The following SENP2 variants were observed in gnomAD, a reference collection of about 807,000 sequenced individuals.
The protein encoded by SENP2 is sentrin-specific protease 2.
In SENP2, 16 loss-of-function variants were observed where a neutral mutation model predicts 86.3. That is an observed-to-expected ratio of 0.19 (90% CI 0.13 to 0.28). The LOEUF (loss-of-function observed/expected upper bound fraction) is 0.28. SENP2 is among the 10% of genes least tolerant of loss of function. The pLI, the probability that SENP2 is intolerant of heterozygous loss-of-function variation, is 1.00. For synonymous variants in SENP2, 222 were observed against 238.7 expected (o/e 0.93, Z 0.64); for missense variants, 552 against 703.0 (o/e 0.79, Z 2.43).
At chr3:185,605,722 G>T (rs765402145) in intron 5 of SENP2, among the ~76,000 whole-genome samples, 2 of 151,738 alleles carry the variant, frequency 1.3e-5, no homozygotes, top group Admixed American at 6.6e-5. Flanking sequence ...ATCACCCAAG[G>T]AAGGAGGGGC....
intron 6 of SENP2, among the ~76,000 whole-genome samples, chr3:185,607,372 A>G (rs1722552643): frequency 8.6e-6 from 1 of 116,224 alleles, no homozygotes; most frequent in African/African-American, 3.3e-5. Context: ...CTTGTTGCCC[A>G]GGCTAGAGTG....
chr3:185,587,085 T>G (rs752928438), intron 1 of SENP2, among the ~76,000 whole-genome samples: 15 of 152,216 alleles, frequency 9.9e-5, no homozygotes, highest in Non-Finnish European at 1.9e-4. Flanking sequence ...TCTGTACTCT[T>G]AAATTCGGTT....
intron 13 of SENP2, 81 bp downstream of exon 13, chr3:185,619,583 T>C: frequency 8.8e-7 from 1 of 1,132,886 alleles, no homozygotes; most frequent in Non-Finnish European, 1.3e-6. Flanking sequence ...TTTTCTGCCC[T>C]GTGTATAGAG....
chr3:185,605,051 G>A (rs1307329872), intron 5 of SENP2, among the ~76,000 whole-genome samples: 1 of 150,946 alleles, frequency 6.6e-6, no homozygotes, highest in Non-Finnish European at 1.5e-5. Context: ...ACCGCGCCTG[G>A]CCGAATCTGT....
chr3:185,616,017 C>A (rs1711587925), intron 11 of SENP2, among the ~76,000 whole-genome samples: 1 of 151,822 alleles, frequency 6.6e-6, no homozygotes, highest in Admixed American at 6.6e-5. Context: ...CGCGTGCCAC[C>A]ACGCCCAGCT....
chr3:185,621,364 G>T (rs1577741979), intron 13 of SENP2, among the ~76,000 whole-genome samples: 1 of 144,878 alleles, frequency 6.9e-6, no homozygotes, highest in African/African-American at 2.5e-5. Context: ...CAATATAAGT[G>T]GATATCGTTT....
chr3:185,606,824 A>T (rs1722530301), intron 6 of SENP2: 1 of 515,842 alleles, frequency 1.9e-6, no homozygotes, highest in Admixed American at 2.1e-5. Flanking sequence ...CGAGGAGCAG[A>T]AAATCGTTGT....
rs1342408308 is a variant in SENP2, at chr3:185,632,234, T to TG, written c.*2390_*2391insG. 2.6e-4 allele frequency: 16 copies of TG among 61,612 alleles called. No homozygotes were observed. The highest frequency in any genetic ancestry group is 8.6e-4 in the African/African-American group (14 of 16,298). 3.8% of individuals were successfully genotyped at this position (61,612 alleles called of 1,614,324 possible). A position where few individuals can be genotyped will look rare whatever the true frequency, so the allele number is the denominator to read the frequency against. On this transcript the variant is annotated 3_prime_UTR_variant, in exon 17 of 17. Transcript: ENST00000296257. ...AGTGGTTTTTTTTTTGTTTTTTTTT[T>TG]TTGTTTTTTTTTTTTTTTTTTGCGA...
At chr3:185,629,135 A>G (rs2148997523) in intron 16 of SENP2, among the ~76,000 whole-genome samples, 1 of 152,328 alleles carries the variant, frequency 6.6e-6, no homozygotes, top group South Asian at 2.1e-4. Context: ...AAAAAACAGA[A>G]TATGTTCATT....
At chr3:185,614,014 T>C (rs1711508312) in intron 10 of SENP2, among the ~76,000 whole-genome samples, 2 of 152,064 alleles carry the variant, frequency 1.3e-5, no homozygotes, top group South Asian at 4.2e-4. Flanking sequence ...AAATCATACA[T>C]CTCTGGAAAG....
At chr3:185,603,902 A>C (rs896253625) in intron 5 of SENP2, among the ~76,000 whole-genome samples, 1 of 152,132 alleles carries the variant, frequency 6.6e-6, no homozygotes, top group African/African-American at 2.4e-5. Context: ...TGGGCAGATC[A>C]CTTGAGGCCA....
intron 2 of SENP2, among the ~76,000 whole-genome samples, chr3:185,597,139 A>G (rs868472716): frequency 2.4e-4 from 37 of 152,280 alleles, no homozygotes; most frequent in African/African-American, 8.2e-4. Context: ...GGCGTGAGCA[A>G]CCACGCCCAG....
intron 16 of SENP2, among the ~76,000 whole-genome samples, chr3:185,629,395 G>T (rs1362432209): frequency 2.6e-5 from 4 of 152,072 alleles, no homozygotes; most frequent in African/African-American, 9.7e-5. Context: ...TGGCCAACAT[G>T]GTGAAACCCT....
intron 16 of SENP2, among the ~76,000 whole-genome samples, chr3:185,627,561 C>A (rs148366274): frequency 2.2e-4 from 34 of 151,996 alleles, no homozygotes; most frequent in African/African-American, 7.7e-4. Context: ...TACAGGCATG[C>A]GCCACCATGC....
At chr3:185,625,723 C>G (rs774174234) in intron 15 of SENP2, among the ~76,000 whole-genome samples, 4 of 152,310 alleles carry the variant, frequency 2.6e-5, no homozygotes, top group South Asian at 2.1e-4. Context: ...CTCTGTCCAC[C>G]TTGAAGCTGT....
In SENP2 at chr3:185,633,344, G is replaced by GTT. The variant is rs1316707691; in HGVS notation, c.*3502_*3503dup. 6.6e-6 allele frequency: 1 copy of GTT among 152,092 alleles called. No homozygotes were observed. The highest frequency in any genetic ancestry group is 1.5e-5 in the Non-Finnish European group (1 of 68,000). 9.4% of individuals were successfully genotyped at this position (152,092 alleles called of 1,614,324 possible). ...TGGGAACCTAATCTCTTTTGTAACT[G>GTT]TTTGAGAAAAACTCTGAAGCACCTG... is the stretch of plus-strand genomic sequence containing the variant. On this transcript the variant is annotated 3_prime_UTR_variant, in exon 17 of 17. Transcript: ENST00000296257.
intron 13 of SENP2, among the ~76,000 whole-genome samples, chr3:185,620,100 C>T (rs925959548): frequency 1.3e-5 from 2 of 150,840 alleles, no homozygotes; most frequent in Non-Finnish European, 2.9e-5. Flanking sequence ...TCTCATTCTG[C>T]CACCCAAGCT....
chr3:185,624,926 G>A (rs1712072329), intron 15 of SENP2, among the ~76,000 whole-genome samples: 1 of 151,902 alleles, frequency 6.6e-6, no homozygotes, highest in Non-Finnish European at 1.5e-5. Context: ...CCTAAGGAGA[G>A]CACAGATACA....
At chr3:185,612,508 G>C in intron 8 of SENP2, 99 bp from the exon 9 acceptor site, 2 of 794,414 alleles carry the variant, frequency 2.5e-6, no homozygotes, top group Non-Finnish European at 4.1e-6. Flanking sequence ...TCAATGTAGA[G>C]GAATGTCTTG....
Sources: gnomAD v4.1 joint callset for allele counts (sites outside exome capture counted in the v4.1 genomes callset) on GRCh38, gnomAD v4.1.1 for gene constraint, MANE v1.5 for transcripts, NCBI Gene and HGNC (gene_info 2026-07-23, HGNC 2026-07-21) for gene names.